Variants in NKAIN2 observed in about 807,000 individuals in gnomAD.
NKAIN2 encodes sodium/potassium transporting ATPase interacting 2.
NKAIN2 carries 14 observed loss-of-function variants against 32.6 expected under a neutral mutation model. The ratio of observed to expected loss-of-function variants is 0.43; its 90% CI spans 0.28 to 0.67. The LOEUF (loss-of-function observed/expected upper bound fraction) is 0.67, where lower values mean the gene tolerates loss of function less well. Ranked by LOEUF, NKAIN2 falls within the 30% of genes least tolerant of loss-of-function variation. The probability of loss-of-function intolerance (pLI) is 0.17; values close to 1 mark genes in which losing one functional copy is unlikely to be tolerated. For synonymous variants in NKAIN2, 80 were observed against 87.2 expected, an observed-to-expected ratio of 0.92 and a Z score of 0.46; for missense variants, 198 against 258.3, an observed-to-expected ratio of 0.77 and a Z score of 1.60.
chr6:124,781,086 TA>T (rs1402364682), intron 4 of NKAIN2, among the ~76,000 whole-genome samples: 2 of 151,880 alleles, frequency 1.3e-5, no homozygotes, highest in Admixed American at 6.6e-5. Context: ...AACTTAATTT[TA>T]ACTTTTTTTT....
chr6:124,687,946 T>C (rs1043042150), intron 4 of NKAIN2, among the ~76,000 whole-genome samples: 3 of 151,782 alleles, frequency 2.0e-5, no homozygotes, highest in African/African-American at 7.3e-5. Flanking sequence ...TGCCTTTTTA[T>C]CACTGATTAA....
intron 3 of NKAIN2, among the ~76,000 whole-genome samples, chr6:124,632,498 A>T (rs1164055160): frequency 1.3e-5 from 2 of 152,112 alleles, no homozygotes; most frequent in African/African-American, 2.4e-5. Context: ...TTGTGCCTTA[A>T]ACTTCTAATT....
intron 2 of NKAIN2, among the ~76,000 whole-genome samples, chr6:124,345,977 A>C (rs932489012): frequency 1.2e-4 from 19 of 152,120 alleles, no homozygotes; most frequent in African/African-American, 4.3e-4. Context: ...ATTTAGGGCT[A>C]TAAATTTCCC....
At chr6:124,101,384 G>A (rs1019611965) in intron 1 of NKAIN2, among the ~76,000 whole-genome samples, 6 of 152,234 alleles carry the variant, frequency 3.9e-5, no homozygotes, top group African/African-American at 9.6e-5. Context: ...AAAGCTAGCC[G>A]GCTAAAGGAA....
rs368007267 is a variant in NKAIN2, at chr6:124,422,670, CA to C, written c.273+67329del. Among the ~76,000 whole-genome samples the C allele has an allele frequency of 7.2e-4, 110 of 152,280 alleles. 1 individual carries two copies. The South Asian group carries it at 0.014, about 19-fold the overall frequency. Reference sequence around the variant, plus strand: ...AAACAAAACAACAAAACAACAATTACAAAAAACAGCAATAAAAGCAGCTTAC... The same window carrying C: ...AAACAAAACAACAAAACAACAATTACAAAAACAGCAATAAAAGCAGCTTAC... On this transcript the variant is annotated intron_variant, in intron 3 of 6. Coordinates refer to ENST00000368417, the MANE Select transcript of NKAIN2 (RefSeq NM_001040214.3).
intron 1 of NKAIN2, among the ~76,000 whole-genome samples, chr6:123,987,917 G>A (rs984419310): frequency 1.3e-5 from 2 of 152,156 alleles, no homozygotes; most frequent in African/African-American, 2.4e-5. Context: ...CGCCAAGTAT[G>A]GAGATGATTA....
intron 1 of NKAIN2, among the ~76,000 whole-genome samples, chr6:123,966,898 A>T (rs187053207): frequency 5.5e-4 from 83 of 152,288 alleles, no homozygotes; most frequent in African/African-American, 1.9e-3. Context: ...GACATTTCCA[A>T]TCTAAAGTAG....
chr6:124,792,440 G>A (rs1276819556), intron 5 of NKAIN2, among the ~76,000 whole-genome samples: 2 of 152,030 alleles, frequency 1.3e-5, no homozygotes, highest in African/African-American at 4.8e-5. Context: ...ATATATAAAA[G>A]GAAATAATGG....
chr6:123,908,153 C>T (rs909036328), intron 1 of NKAIN2, among the ~76,000 whole-genome samples: 1 of 152,082 alleles, frequency 6.6e-6, no homozygotes, highest in Admixed American at 6.6e-5. Context: ...ATGAGTTTCC[C>T]TTGCATTTAT....
intron 1 of NKAIN2, among the ~76,000 whole-genome samples, chr6:123,953,879 CAGG>C (rs1296738985): frequency 6.6e-6 from 1 of 152,170 alleles, no homozygotes; most frequent in African/African-American, 2.4e-5. Context: ...TCAATGGCAG[CAGG>C]AGTATACAGG....
intron 3 of NKAIN2, among the ~76,000 whole-genome samples, chr6:124,572,305 G>A (rs532554220): frequency 2.0e-5 from 3 of 152,274 alleles, no homozygotes; most frequent in South Asian, 4.1e-4. Context: ...CAGAAATAAT[G>A]TTCAACCAGT....
intron 3 of NKAIN2, among the ~76,000 whole-genome samples, chr6:124,635,452 G>T (rs1284949239): frequency 6.6e-6 from 1 of 151,912 alleles, no homozygotes; most frequent in Non-Finnish European, 1.5e-5. Context: ...AATAAATGAT[G>T]GGAGTAACTC....
intron 1 of NKAIN2, among the ~76,000 whole-genome samples, chr6:123,942,858 G>C (rs1456292848): frequency 6.6e-6 from 1 of 151,972 alleles, no homozygotes; most frequent in Non-Finnish European, 1.5e-5. Flanking sequence ...ATTTAAGATT[G>C]CATTGTAACC....
chr6:124,424,382 C>CTGTG (rs1252657488), intron 3 of NKAIN2, among the ~76,000 whole-genome samples: 1 of 152,060 alleles, frequency 6.6e-6, no homozygotes, highest in Non-Finnish European at 1.5e-5. Context: ...ATAGTTACTA[C>CTGTG]TGTGTGTGTG....
intron 1 of NKAIN2, among the ~76,000 whole-genome samples, chr6:124,044,070 G>T (rs540669647): frequency 1.3e-5 from 2 of 152,108 alleles, no homozygotes; most frequent in Admixed American, 6.6e-5. Flanking sequence ...AAGAGAAGCT[G>T]CTTTAGATCC....
At chr6:124,785,680 G>T (rs1184689881) in intron 4 of NKAIN2, among the ~76,000 whole-genome samples, 3 of 152,132 alleles carry the variant, frequency 2.0e-5, no homozygotes, top group Admixed American at 6.6e-5. Flanking sequence ...GCTGTGGAAG[G>T]TCCTGCCCCC....
chr6:124,386,435 C>T (rs1339652667), intron 3 of NKAIN2, among the ~76,000 whole-genome samples: 5 of 152,254 alleles, frequency 3.3e-5, no homozygotes, highest in Non-Finnish European at 7.4e-5. Flanking sequence ...GTAACCATTG[C>T]TCTGATTGTG....
At chr6:123,815,871 G>A (rs1303573745) in intron 1 of NKAIN2, among the ~76,000 whole-genome samples, 1 of 152,038 alleles carries the variant, frequency 6.6e-6, no homozygotes. Context: ...CCCAGGAGTA[G>A]AGTTGGGGAA....
intron 5 of NKAIN2, among the ~76,000 whole-genome samples, chr6:124,793,448 T>C (rs1001226459): frequency 1.9e-4 from 29 of 152,246 alleles, no homozygotes; most frequent in African/African-American, 7.0e-4. Context: ...ATTCAGTGTC[T>C]GTGTGCCAAA....
Sources: gnomAD v4.1 joint callset for allele counts (sites outside exome capture counted in the v4.1 genomes callset) on GRCh38, gnomAD v4.1.1 for gene constraint, MANE v1.5 for transcripts, NCBI Gene and HGNC (gene_info 2026-07-23, HGNC 2026-07-21) for gene names.